Variants in THNSL1 observed in about 807,000 individuals in gnomAD.
THNSL1 encodes the protein threonine synthase-like 1.
THNSL1 carries 48 observed loss-of-function variants against 50.4 expected under a neutral mutation model. The observed-to-expected ratio is 0.95, with a 90% CI of 0.76 to 1.21. The LOEUF (loss-of-function observed/expected upper bound fraction) is 1.21. THNSL1 is among the 50% of genes most tolerant of loss of function. The pLI is 0.00. For missense variants in THNSL1, 896 were observed against 871.7 expected (o/e 1.03, Z -0.35); for synonymous variants, 309 against 306.1 (o/e 1.01, Z -0.10).
At chr10:24,996,354 G>T in the THNSL1 span, among the ~76,000 whole-genome samples, 1 of 152,020 alleles carries the variant, frequency 6.6e-6, no homozygotes. Flanking sequence ...CCTGGGAGGC[G>T]GAGGTTGCAG....
rs1011940155 is a variant in THNSL1 at position 25,025,087 on chromosome 10, G to T, written c.1864G>T (p.Gly622Ter). Residue 622 changes from glycine to a stop codon, truncating the protein, a stop_gained, in exon 3 of 3, where the codon GGA (glycine) becomes TGA (stop). Coordinates refer to ENST00000376356, the MANE Select transcript of THNSL1 (RefSeq NM_024838.5). LOFTEE classifies it high-confidence loss of function. ...TTTTGTAGCTGACTGGTGCTCTGAG[G>T]GAGAGTGCCTAGCAGCTATTAACTC... The part of the protein sequence containing the change: ...QDFVADWCSE[G>*]ECLAAINSTY... 1 of 1,614,188 alleles carries T rather than the reference G, an allele frequency of 6.2e-7. No individual in the cohort carries two copies. Among genetic ancestry groups the T allele is most frequent in the Non-Finnish European group, 8.5e-7 (1 of 1,180,036 alleles).
the THNSL1 span, among the ~76,000 whole-genome samples, chr10:24,970,837 A>C: frequency 1.3e-5 from 2 of 152,152 alleles, no homozygotes; most frequent in Non-Finnish European, 2.9e-5. Context: ...CAGCCTGGCC[A>C]ACACGGTGAA....
the THNSL1 span, among the ~76,000 whole-genome samples, chr10:24,970,888 G>A: frequency 2.0e-5 from 3 of 152,110 alleles, no homozygotes; most frequent in Admixed American, 6.6e-5. Flanking sequence ...GCCAGGCATG[G>A]TGGCACCCAC....
chr10:25,012,948 CAT>C (rs1363453214), upstream of THNSL1, among the ~76,000 whole-genome samples: 3 of 152,180 alleles, frequency 2.0e-5, no homozygotes, highest in African/African-American at 7.2e-5. Flanking sequence ...CCATAATTCC[CAT>C]ATGTCATGGG....
upstream of THNSL1, among the ~76,000 whole-genome samples, chr10:25,011,813 A>C (rs954535173): frequency 2.6e-5 from 4 of 152,216 alleles, no homozygotes; most frequent in African/African-American, 4.8e-5. Flanking sequence ...AAGAAAAACC[A>C]ATTTTCTGAG....
At chr10:24,993,289 T>C in the THNSL1 span, among the ~76,000 whole-genome samples, 37 of 152,368 alleles carry the variant, frequency 2.4e-4, no homozygotes, top group East Asian at 4.4e-3. Context: ...GCATATATTA[T>C]ACTATTCACT....
At chr10:25,012,055 A>G (rs1850459166), upstream of THNSL1, among the ~76,000 whole-genome samples, 1 of 152,198 alleles carries the variant, frequency 6.6e-6, no homozygotes, top group Non-Finnish European at 1.5e-5. Context: ...CTAAAAGGGG[A>G]CAACGTAGAG....
chr10:24,960,439 T>A, the THNSL1 span, among the ~76,000 whole-genome samples: 3 of 152,188 alleles, frequency 2.0e-5, no homozygotes, highest in African/African-American at 7.2e-5. Context: ...TTTATTTTTA[T>A]TTTTTGGAGA....
At chr10:24,965,898 G>A in the THNSL1 span, among the ~76,000 whole-genome samples, 1 of 152,166 alleles carries the variant, frequency 6.6e-6, no homozygotes, top group African/African-American at 2.4e-5. Flanking sequence ...CTGAAACCTG[G>A]TCTTGTTTCT....
At chr10:24,996,185 C>T in the THNSL1 span, among the ~76,000 whole-genome samples, 7 of 152,298 alleles carry the variant, frequency 4.6e-5, no homozygotes, top group African/African-American at 1.7e-4. Flanking sequence ...CGGTGGCCCA[C>T]GGTGACGTGG....
chr10:25,000,902 G>A, the THNSL1 span, among the ~76,000 whole-genome samples: 1 of 151,976 alleles, frequency 6.6e-6, no homozygotes, highest in African/African-American at 2.4e-5. Context: ...TAGCTTTACA[G>A]TATACAGGTT....
At chr10:24,988,430 TTTA>T in the THNSL1 span, among the ~76,000 whole-genome samples, 1 of 145,362 alleles carries the variant, frequency 6.9e-6, no homozygotes, top group Non-Finnish European at 1.5e-5. Flanking sequence ...ATAAGTAAAA[TTTA>T]TTTTTTATAT....
chr10:25,005,224 AT>A, the THNSL1 span, among the ~76,000 whole-genome samples: 1 of 152,124 alleles, frequency 6.6e-6, no homozygotes, highest in African/African-American at 2.4e-5. Flanking sequence ...TCTATTTATT[AT>A]TAGAATTATG....
At chr10:25,013,159 T>C (rs1363658058), upstream of THNSL1, among the ~76,000 whole-genome samples, 1 of 152,232 alleles carries the variant, frequency 6.6e-6, no homozygotes, top group Non-Finnish European at 1.5e-5. Context: ...TCCTCAGCCA[T>C]GTGAAACTGT....
chr10:25,020,825 T>G (rs1245790904), intron 1 of THNSL1, among the ~76,000 whole-genome samples: 2 of 152,058 alleles, frequency 1.3e-5, no homozygotes, highest in African/African-American at 2.4e-5. Context: ...CAGAAAGTTA[T>G]GTATTGCAAA....
the THNSL1 span, among the ~76,000 whole-genome samples, chr10:25,007,303 G>A: frequency 1.1e-4 from 17 of 152,238 alleles, no homozygotes; most frequent in Admixed American, 4.6e-4. Flanking sequence ...CCTGGCAACT[G>A]ATTTTAAGGA....
the THNSL1 span, among the ~76,000 whole-genome samples, chr10:24,963,027 ATTTC>A: frequency 2.0e-5 from 3 of 151,514 alleles, no homozygotes; most frequent in African/African-American, 7.3e-5. Context: ...AGAAATAATA[ATTTC>A]TTTCTAATTC....
the THNSL1 span, among the ~76,000 whole-genome samples, chr10:24,988,380 A>G: frequency 6.9e-6 from 1 of 144,906 alleles, no homozygotes; most frequent in South Asian, 2.2e-4. Flanking sequence ...ATATATGTAT[A>G]TATGTGTATA....
At chr10:24,997,064 C>T in the THNSL1 span, among the ~76,000 whole-genome samples, 1 of 152,014 alleles carries the variant, frequency 6.6e-6, no homozygotes, top group East Asian at 1.9e-4. Flanking sequence ...AAGAAACCAA[C>T]CCTGCTGCGT....
Sources: allele counts gnomAD v4.1 joint callset (sites outside exome capture counted in the v4.1 genomes callset), GRCh38; gene constraint gnomAD v4.1.1; transcripts MANE v1.5; gene names NCBI Gene and HGNC (gene_info 2026-07-23, HGNC 2026-07-21).